Variants in DENND1A observed in about 807,000 individuals in gnomAD.
DENND1A encodes DENN domain containing 1A, also known as DENN domain-containing protein 1A.
Under a neutral mutation model 113.7 loss-of-function variants are expected in DENND1A, and 51 were observed. That is an observed-to-expected ratio of 0.45 (90% CI 0.36 to 0.57). DENND1A has a LOEUF of 0.57. DENND1A is among the 20% of genes least tolerant of loss of function. DENND1A has a pLI of 0.00. For missense variants in DENND1A, 1,258 were observed against 1,395.9 expected, an observed-to-expected ratio of 0.90 and a Z score of 1.57; for synonymous variants, 565 against 570.8, an observed-to-expected ratio of 0.99 and a Z score of 0.14.
intron 11 of DENND1A, among the ~76,000 whole-genome samples, chr9:123,591,552 C>T (rs1284257378): frequency 6.6e-6 from 1 of 152,210 alleles, no homozygotes; most frequent in Admixed American, 6.5e-5. Context: ...AGGGAGGTGA[C>T]ATGCATAGAG....
intron 12 of DENND1A, among the ~76,000 whole-genome samples, chr9:123,564,169 A>G (rs184460724): frequency 5.3e-5 from 8 of 152,358 alleles, no homozygotes; most frequent in Non-Finnish European, 1.0e-4. Context: ...TTTATATACC[A>G]GCAGTTTACA....
intron 13 of DENND1A, among the ~76,000 whole-genome samples, chr9:123,551,892 C>T (rs1018615119): frequency 6.6e-6 from 1 of 152,060 alleles, no homozygotes; most frequent in Non-Finnish European, 1.5e-5. Flanking sequence ...AGCAAGCGGT[C>T]CCCTTCCTTC....
chr9:123,750,357 T>G (rs1448776245), intron 5 of DENND1A, among the ~76,000 whole-genome samples: 3 of 152,244 alleles, frequency 2.0e-5, no homozygotes, highest in Non-Finnish European at 4.4e-5. Context: ...ACTTCATTTT[T>G]TAATTCAGAA....
At chr9:123,679,547 G>T (rs1263349563) in intron 5 of DENND1A, among the ~76,000 whole-genome samples, 1 of 152,184 alleles carries the variant, frequency 6.6e-6, no homozygotes, top group Non-Finnish European at 1.5e-5. Flanking sequence ...CCCACATGTT[G>T]TCCCCTGTAC....
At chr9:123,765,082 G>A (rs541603187) in intron 4 of DENND1A, among the ~76,000 whole-genome samples, 1 of 152,310 alleles carries the variant, frequency 6.6e-6, no homozygotes, top group South Asian at 2.1e-4. Context: ...CTATGTCTGT[G>A]TGGGTTTCAT....
chr9:123,724,244 T>C (rs1484257975), intron 5 of DENND1A, among the ~76,000 whole-genome samples: 3 of 152,100 alleles, frequency 2.0e-5, no homozygotes, highest in Admixed American at 6.5e-5. Context: ...GCACAACTCG[T>C]TGAGGGAGGC....
chr9:123,861,447 T>G (rs1168036517), intron 2 of DENND1A, among the ~76,000 whole-genome samples: 1 of 152,208 alleles, frequency 6.6e-6, no homozygotes, highest in Non-Finnish European at 1.5e-5. Flanking sequence ...CTTAGCGGCC[T>G]TCCCCTTTTT....
intron 19 of DENND1A, among the ~76,000 whole-genome samples, chr9:123,427,222 T>A (rs565113112): frequency 6.6e-6 from 1 of 152,222 alleles, no homozygotes; most frequent in Non-Finnish European, 1.5e-5. Context: ...TCCATCAGGA[T>A]TACGTTGAAC....
intron 13 of DENND1A, among the ~76,000 whole-genome samples, chr9:123,490,382 T>TA (rs1156300326): frequency 3.3e-5 from 5 of 152,156 alleles, no homozygotes; most frequent in African/African-American, 9.6e-5. Context: ...GGTCAGGAGT[T>TA]AGAGACCAGC....
chr9:123,724,169 C>G (rs2067531207), intron 5 of DENND1A, among the ~76,000 whole-genome samples: 1 of 152,120 alleles, frequency 6.6e-6, no homozygotes, highest in Admixed American at 6.6e-5. Flanking sequence ...CTGGGTTGCT[C>G]TAATTAACCT....
intron 5 of DENND1A, among the ~76,000 whole-genome samples, chr9:123,693,564 G>C (rs1243440719): frequency 6.6e-6 from 1 of 151,594 alleles, no homozygotes; most frequent in Non-Finnish European, 1.5e-5. Context: ...ACAGTACATA[G>C]CCTTTTAAGT....
At chr9:123,753,023 T>C (rs1052220510) in intron 5 of DENND1A, among the ~76,000 whole-genome samples, 7 of 152,234 alleles carry the variant, frequency 4.6e-5, no homozygotes, top group African/African-American at 1.4e-4. Flanking sequence ...ATTTGATTTA[T>C]AGTGGCATTT....
At chr9:123,480,490 G>A (rs1015145178) in intron 13 of DENND1A, among the ~76,000 whole-genome samples, 5 of 152,096 alleles carry the variant, frequency 3.3e-5, no homozygotes, top group East Asian at 1.9e-4. Context: ...TTTTGCTCAC[G>A]GTATTCCCTC....
chr9:123,896,197 G>C (rs1255422463), intron 1 of DENND1A, among the ~76,000 whole-genome samples: 5 of 151,914 alleles, frequency 3.3e-5, no homozygotes, highest in Non-Finnish European at 5.9e-5. Context: ...CTGTAGTCTT[G>C]GCTACTCGGG....
chr9:123,425,442 G>A (rs1339275625), intron 19 of DENND1A, among the ~76,000 whole-genome samples: 2 of 152,276 alleles, frequency 1.3e-5, no homozygotes, highest in African/African-American at 2.4e-5. Context: ...CGCCGCGTGC[G>A]GGGATTCTAA....
intron 1 of DENND1A, among the ~76,000 whole-genome samples, chr9:123,882,187 C>T (rs1405896283): frequency 6.6e-6 from 1 of 152,076 alleles, no homozygotes; most frequent in Non-Finnish European, 1.5e-5. Context: ...GACTCCCTTA[C>T]CCAGCTGCCT....
intron 13 of DENND1A, among the ~76,000 whole-genome samples, chr9:123,555,352 C>T (rs1419849182): frequency 1.3e-5 from 2 of 152,256 alleles, no homozygotes; most frequent in African/African-American, 4.8e-5. Context: ...AAAGTTCACT[C>T]TCTTAGCGTA....
intron 1 of DENND1A, among the ~76,000 whole-genome samples, chr9:123,896,155 T>A (rs776708780): frequency 2.2e-4 from 34 of 151,490 alleles, no homozygotes; most frequent in Middle Eastern, 6.8e-3. Context: ...TAAAAAAAAA[T>A]TAAAAAATCA....
intron 21 of DENND1A, among the ~76,000 whole-genome samples, chr9:123,391,917 G>A (rs1465587788): frequency 1.3e-5 from 2 of 152,188 alleles, no homozygotes; most frequent in African/African-American, 4.8e-5. Context: ...AGCGAGGGCT[G>A]CCAGAGTCTT....
Sources: gnomAD v4.1 joint callset for allele counts (sites outside exome capture counted in the v4.1 genomes callset) on GRCh38, gnomAD v4.1.1 for gene constraint, MANE v1.5 for transcripts, NCBI Gene and HGNC (gene_info 2026-07-23, HGNC 2026-07-21) for gene names.